The following PTPRT variants were observed in gnomAD, a reference collection of about 807,000 sequenced individuals.
PTPRT encodes the protein receptor-type tyrosine-protein phosphatase T.
PTPRT carries 56 observed loss-of-function variants against 176.8 expected under a neutral mutation model. The observed-to-expected ratio is 0.32, with a 90% CI of 0.26 to 0.40. The LOEUF is 0.40. Among genes scored for constraint, PTPRT ranks in the 10% least tolerant of loss-of-function variants. PTPRT has a pLI of 1.00. For synonymous variants in PTPRT, 783 were observed against 739.0 expected (o/e 1.06, Z -0.96); for missense variants, 1,540 against 1,908.2 (o/e 0.81, Z 3.60).
At chr20:42,456,487 G>C (rs368498564) in intron 8 of PTPRT, among the ~76,000 whole-genome samples, 13 of 152,046 alleles carry the variant, frequency 8.6e-5, no homozygotes, top group African/African-American at 3.1e-4. Flanking sequence ...GATGTTTGTA[G>C]GTTTTTTAGT....
intron 1 of PTPRT, among the ~76,000 whole-genome samples, chr20:43,094,462 G>T (rs1015942138): frequency 8.5e-6 from 1 of 117,630 alleles, no homozygotes; most frequent in Non-Finnish European, 1.6e-5. Context: ...GTAATAGCAT[G>T]ATCTCGGCTC....
At chr20:43,062,163 T>C (rs889600503) in intron 1 of PTPRT, among the ~76,000 whole-genome samples, 3 of 152,162 alleles carry the variant, frequency 2.0e-5, no homozygotes, top group African/African-American at 4.8e-5. Context: ...TTGATCAGGG[T>C]GGTGATTAGC....
Position 42,950,658 on chromosome 20 carries a change from A to G in PTPRT, c.89-64726T>C, listed in dbSNP as rs138887737. On this transcript the variant is annotated intron_variant, in intron 1 of 30. Transcript: ENST00000373187. ...AGGCACCACAGCCTTCCACCTAGAC[A>G]TTATAAAAATCTACTCTGTAATTGG... 9.4e-4 allele frequency among the ~76,000 whole-genome samples: 143 copies of G among 152,336 alleles called. 2 individuals carry two copies. The highest frequency in any genetic ancestry group is 3.2e-3 in the African/African-American group (132 of 41,580).
chr20:42,891,030 G>A (rs543110977), intron 1 of PTPRT, among the ~76,000 whole-genome samples: 5 of 152,220 alleles, frequency 3.3e-5, no homozygotes, highest in Admixed American at 1.3e-4. Flanking sequence ...TGATTGTGCC[G>A]CCTCCCCAGC....
intron 1 of PTPRT, among the ~76,000 whole-genome samples, chr20:42,998,103 G>C (rs1336291947): frequency 6.6e-6 from 1 of 152,114 alleles, no homozygotes; most frequent in African/African-American, 2.4e-5. Flanking sequence ...ATTCTCAAGG[G>C]AAAAGCTACC....
At chr20:42,323,137 T>C (rs577953953) in intron 11 of PTPRT, among the ~76,000 whole-genome samples, 4 of 152,196 alleles carry the variant, frequency 2.6e-5, no homozygotes, top group South Asian at 4.2e-4. Flanking sequence ...TGTGGAGAAA[T>C]AGGAACACTT....
At chr20:43,064,740 C>G (rs1308446838) in intron 1 of PTPRT, among the ~76,000 whole-genome samples, 1 of 152,172 alleles carries the variant, frequency 6.6e-6, no homozygotes, top group Non-Finnish European at 1.5e-5. Context: ...CTCAAGCCAC[C>G]TCTGGTAACA....
intron 1 of PTPRT, among the ~76,000 whole-genome samples, chr20:42,976,533 G>A (rs374054620): frequency 6.6e-6 from 1 of 151,874 alleles, no homozygotes; most frequent in Non-Finnish European, 1.5e-5. Flanking sequence ...AGCCTCCCAA[G>A]TAGCTGGGAT....
intron 23 of PTPRT, among the ~76,000 whole-genome samples, chr20:42,107,838 A>T (rs549502849): frequency 6.6e-6 from 1 of 152,360 alleles, no homozygotes; most frequent in East Asian, 1.9e-4. Flanking sequence ...ATATTGGCTC[A>T]TGGTAAATCC....
intron 12 of PTPRT, among the ~76,000 whole-genome samples, chr20:42,294,006 T>A (rs1227913342): frequency 6.6e-6 from 1 of 152,170 alleles, no homozygotes; most frequent in African/African-American, 2.4e-5. Context: ...AATTTCAGCA[T>A]AATTAATGTA....
At chr20:42,705,261 G>A (rs2076035700) in intron 6 of PTPRT, among the ~76,000 whole-genome samples, 1 of 152,152 alleles carries the variant, frequency 6.6e-6, no homozygotes, top group Non-Finnish European at 1.5e-5. Flanking sequence ...TACTTGAGCA[G>A]GCTTAGAGTG....
Position 42,161,669 on chromosome 20 carries a change from C to A in PTPRT, c.2492-127G>T, listed in dbSNP as rs1042324017. ...ACTTGGGACTCAACTGATAGGGAAA[C>A]TGCAAAAGGATTGGAGATACACTCC... On this transcript the variant is annotated intron_variant, in intron 16 of 30. Transcript: ENST00000373187. 2.7e-5 allele frequency: 23 copies of A among 856,932 alleles called. No homozygotes were observed. In the South Asian group the frequency reaches 3.6e-4, roughly 13 times the overall value. The allele number at this position is 856,932 out of a possible 1,614,324, so 53.1% of individuals were successfully genotyped here. A position where few individuals can be genotyped will look rare whatever the true frequency, so the allele number is the denominator to read the frequency against.
chr20:42,079,334 A>C lies in PTPRT; in HGVS notation c.*1545T>G, dbSNP rs985891057. 4.9e-6 allele frequency: 1 copy of C among 205,350 alleles called. No individual in the cohort carries two copies. The highest frequency in any genetic ancestry group is 2.3e-5 in the African/African-American group (1 of 43,726). 12.7% of individuals were successfully genotyped at this position (205,350 alleles called of 1,614,324 possible). ...TTTCTGGCCTTATTTTCCCTCCATA[A>C]AATAATTGCTTGGCTTAGAGAAGAT... On this transcript the variant is annotated 3_prime_UTR_variant, in exon 31 of 31. Coordinates refer to ENST00000373187, the MANE Select transcript of PTPRT (RefSeq NM_007050.6).
rs1877245 is a variant in PTPRT, at chr20:42,809,303, C to T, written c.215-17837G>A. Among the ~76,000 whole-genome samples, 355 of 152,190 alleles carry T rather than the reference C, an allele frequency of 2.3e-3. 1 individual carries two copies. Among genetic ancestry groups the T allele is most frequent in the Non-Finnish European group, 4.0e-3 (272 of 67,998 alleles). ...GGAAACAAACGCAAGGGACACACAG[C>T]CCTGTCCCGCCAGGTGTGACTCCAG... On this transcript the variant is annotated intron_variant, in intron 2 of 30. Coordinates refer to ENST00000373187, the MANE Select transcript of PTPRT (RefSeq NM_007050.6).
intron 7 of PTPRT, among the ~76,000 whole-genome samples, chr20:42,504,589 G>T (rs1330650895): frequency 1.3e-5 from 2 of 151,934 alleles, no homozygotes; most frequent in South Asian, 2.1e-4. Context: ...CCAGTTTCCT[G>T]CTATATTTTT....
chr20:42,245,224 C>T (rs1441035471), intron 14 of PTPRT, among the ~76,000 whole-genome samples: 1 of 152,180 alleles, frequency 6.6e-6, no homozygotes. Context: ...GCTAAAACCA[C>T]ACTGGTAGTT....
chr20:42,767,572 GA>G (rs2077000293), intron 5 of PTPRT, among the ~76,000 whole-genome samples: 1 of 151,112 alleles, frequency 6.6e-6, no homozygotes, highest in African/African-American at 2.4e-5. Flanking sequence ...TATATGGAAG[GA>G]AAAGACTTAC....
Position 42,539,311 on chromosome 20 carries a change from A to G in PTPRT, c.1154-66749T>C, listed in dbSNP as rs1020290743. Among the ~76,000 whole-genome samples the G allele has an allele frequency of 2.0e-5, 3 of 150,778 alleles. No homozygotes were observed. The East Asian group carries it at 5.8e-4, about 29-fold the overall frequency. On this transcript the variant is annotated intron_variant, in intron 7 of 30. Coordinates refer to ENST00000373187, the MANE Select transcript of PTPRT (RefSeq NM_007050.6). The stretch of plus-strand genomic sequence containing the variant: ...ATGTGAAAATAACCCTGTTGCTCCT[A>G]CCATGTGTTTCTGATCTTGGTGAAT...
intron 22 of PTPRT, among the ~76,000 whole-genome samples, chr20:42,111,593 A>T (rs73131122): frequency 0.055 from 5,073 of 91,692 alleles, 125 homozygotes; most frequent in Middle Eastern, 0.096. Context: ...AATAACTAAC[A>T]AACATTAACT....
Sources: allele counts gnomAD v4.1 joint callset (sites outside exome capture counted in the v4.1 genomes callset), GRCh38; gene constraint gnomAD v4.1.1; transcripts MANE v1.5; gene names NCBI Gene and HGNC (gene_info 2026-07-23, HGNC 2026-07-21).